The following CENPF variants were observed in gnomAD, a reference collection of about 807,000 sequenced individuals.
CENPF encodes AH antigen.
A neutral mutation model predicts 307.3 loss-of-function variants in CENPF; 214 were observed. That is an observed-to-expected ratio of 0.70 (90% CI 0.62 to 0.78). The LOEUF (loss-of-function observed/expected upper bound fraction) is 0.78. CENPF is among the 30% of genes least tolerant of loss of function. The pLI is 0.00. For missense variants in CENPF, 3,401 were observed against 3,483.9 expected, an observed-to-expected ratio of 0.98 and a Z score of 0.60; for synonymous variants, 1,259 against 1,270.6, an observed-to-expected ratio of 0.99 and a Z score of 0.19.
intron 8 of CENPF, among the ~76,000 whole-genome samples, chr1:214,629,726 A>G (rs915113820): frequency 2.0e-5 from 3 of 151,882 alleles, no homozygotes; most frequent in Admixed American, 6.6e-5. Flanking sequence ...TAATTTTTGT[A>G]TTTTTAGTAG....
intron 10 of CENPF, among the ~76,000 whole-genome samples, chr1:214,635,080 G>A (rs911046701): frequency 2.6e-5 from 4 of 152,140 alleles, no homozygotes; most frequent in Admixed American, 2.6e-4. Context: ...AAATACCATC[G>A]TTTGACAGTC....
In CENPF at chr1:214,641,306, A is replaced by C; in HGVS notation, c.2968A>C (p.Lys990Gln). Residue 990 changes from lysine to glutamine, a missense_variant, in exon 12 of 20, where the codon AAG (lysine) becomes CAG (glutamine). Coordinates refer to ENST00000366955, the MANE Select transcript of CENPF (RefSeq NM_016343.4). ...AATTAATGCATCCTTAAATCAAGAG[A>C]AGATGAACTTAATCCAGAAAAGTGA... ...KEINASLNQE[K>Q]MNLIQKSESF... 1.2e-6 allele frequency: 2 copies of C among 1,609,510 alleles called. No individual in the cohort carries two copies. The highest frequency in any genetic ancestry group is 1.7e-6 in the Non-Finnish European group (2 of 1,178,950).
intron 14 of CENPF, among the ~76,000 whole-genome samples, chr1:214,650,673 G>C (rs1658437948): frequency 6.6e-6 from 1 of 152,148 alleles, no homozygotes; most frequent in South Asian, 2.1e-4. Flanking sequence ...AGGCCGAGGT[G>C]AGCTGATAAC....
Position 214,640,503 on chromosome 1 carries a change from G to A in CENPF, c.2165G>A (p.Cys722Tyr), listed in dbSNP as rs1273003530. The change falls in exon 12 of 20, where the codon TGT becomes TAT. Residue 722 changes from cysteine to tyrosine, a missense_variant. Transcript: ENST00000366955. Reference sequence around the variant, plus strand: ...CATCAGAAGGAAATAGAAAATATGTGTTTGAAGACTTCTCAGCTTACTGGG... The same window carrying A: ...CATCAGAAGGAAATAGAAAATATGTATTTGAAGACTTCTCAGCTTACTGGG... ...QKHQKEIENM[C>Y]LKTSQLTGQV... 1.2e-6 allele frequency: 2 copies of A among 1,613,978 alleles called. No individual in the cohort carries two copies. Among genetic ancestry groups the A allele is most frequent in the Non-Finnish European group, 1.7e-6 (2 of 1,180,016 alleles).
At chr1:214,608,841 G>A in intron 1 of CENPF, 3 of 1,573,770 alleles carry the variant, frequency 1.9e-6, no homozygotes, top group Non-Finnish European at 2.6e-6. Flanking sequence ...GCCCGTTCAT[G>A]GCGGGCGCCG....
rs1386453314 is a variant in CENPF, at chr1:214,647,235, C to G, written c.7665C>G (p.Asn2555Lys). 19 of 1,613,950 alleles carry G rather than the reference C, an allele frequency of 1.2e-5. No individual in the cohort carries two copies. Among genetic ancestry groups the G allele is most frequent in the Non-Finnish European group, 1.6e-5 (19 of 1,179,974 alleles). ...AGCACCAACTTTGGAAGGAGCAAAA[C>G]TTAGAACTGAGAAATCTGACAGTGG... is the stretch of plus-strand genomic sequence containing the variant. The part of the protein sequence containing the change: ...EGEHQLWKEQ[N>K]LELRNLTVEL... The change falls in exon 13 of 20, where the codon AAC becomes AAG. Residue 2555 changes from asparagine (N) to lysine (K), a missense_variant. Asn to Lys is a moderately conservative substitution (Grantham distance 94). Coordinates refer to ENST00000366955, the MANE Select transcript of CENPF (RefSeq NM_016343.4).
intron 14 of CENPF, among the ~76,000 whole-genome samples, chr1:214,650,611 G>A (rs1229132688): frequency 6.6e-6 from 1 of 152,112 alleles, no homozygotes; most frequent in Non-Finnish European, 1.5e-5. Context: ...GTCTCAAGAA[G>A]GAGGGAGTGG....
At chr1:214,630,475 C>A (rs1657775407) in intron 8 of CENPF, 59 bp from the exon 9 acceptor site, 2 of 1,603,062 alleles carry the variant, frequency 1.2e-6, no homozygotes, top group Non-Finnish European at 1.7e-6. Flanking sequence ...TCATGCCTCA[C>A]CCTGGAGTCT....
intron 1 of CENPF, among the ~76,000 whole-genome samples, chr1:214,610,022 T>C (rs1013183670): frequency 9.6e-5 from 13 of 135,472 alleles, no homozygotes; most frequent in Non-Finnish European, 1.5e-4. Context: ...CATGTGCCTT[T>C]TTTTTTTTTT....
rs1312110088 is a variant in CENPF at position 214,621,052 on chromosome 1, A to C, written c.865+106A>C. 5 of 1,049,206 alleles carry C rather than the reference A, an allele frequency of 4.8e-6. No individual in the cohort carries two copies. The East Asian group carries it at 1.2e-4, about 25-fold the overall frequency. 65.0% of individuals were successfully genotyped at this position (1,049,206 alleles called of 1,614,324 possible). A position where few individuals can be genotyped will look rare whatever the true frequency, so the allele number is the denominator to read the frequency against. The stretch of plus-strand genomic sequence containing the variant: ...AAAGTGCTTATGTGTTTTGTTAGGC[A>C]CATCGGTGTTCAACATCCTAGACTG... On this transcript the variant is annotated intron_variant, in intron 6 of 19. Transcript: ENST00000366955.
chr1:214,608,011 G>A (rs1381625301), intron 1 of CENPF, among the ~76,000 whole-genome samples: 4 of 152,152 alleles, frequency 2.6e-5, no homozygotes, highest in African/African-American at 7.2e-5. Flanking sequence ...ACTCCCTCCC[G>A]CCGGGTGGCA....
In CENPF at chr1:214,643,033, G is replaced by A; in HGVS notation, c.4695G>A (p.Lys1565=). ...AGGTGTACCGGCAGTCCCTCGAGAA[G>A]CTAGAAGAGAAAATGGAAAGTCAAG... ...LCEVYRQSLE[K]LEEKMESQGI... is the part of the protein sequence containing the mutation. The change falls in exon 12 of 20, where the codon AAG becomes AAA. Residue 1565 remains lysine, a synonymous_variant. Coordinates refer to ENST00000366955, the MANE Select transcript of CENPF (RefSeq NM_016343.4). The A allele has an allele frequency of 6.2e-7, 1 of 1,610,476 alleles. No homozygotes were observed. Among genetic ancestry groups the A allele is most frequent in the Non-Finnish European group, 8.5e-7 (1 of 1,179,020 alleles).
chr1:214,630,783 C>A, intron 9 of CENPF, 121 bp downstream of exon 9: 1 of 1,253,648 alleles, frequency 8.0e-7, no homozygotes, highest in Non-Finnish European at 1.1e-6. Context: ...CTTCACTTTC[C>A]CTATCAAAGT....
At chr1:214,623,691 C>G (rs1657577008) in intron 7 of CENPF, among the ~76,000 whole-genome samples, 1 of 152,030 alleles carries the variant, frequency 6.6e-6, no homozygotes, top group African/African-American at 2.4e-5. Context: ...ATATATTAGG[C>G]ACTGTTCCAG....
intron 5 of CENPF, among the ~76,000 whole-genome samples, chr1:214,620,409 C>T (rs1278010303): frequency 6.6e-6 from 1 of 152,144 alleles, no homozygotes; most frequent in Non-Finnish European, 1.5e-5. Context: ...TAAGACTTAG[C>T]CTATTTTGAA....
intron 8 of CENPF, 95 bp from the exon 9 acceptor site, chr1:214,630,439 C>G: frequency 1.4e-6 from 2 of 1,470,964 alleles, no homozygotes; most frequent in Non-Finnish European, 1.9e-6. Context: ...CTCCTGTGCT[C>G]TCTGTGCAGT....
In CENPF at chr1:214,614,087, A is replaced by G. The variant is rs111512847; in HGVS notation, c.162+171A>G. The stretch of plus-strand genomic sequence containing the variant: ...AATTCCTCTCCCCTCCCCCACCCCC[A>G]CCCCAGGCCCCAATCCCCTTCTTTT... On this transcript the variant is annotated intron_variant, in intron 2 of 19. Coordinates refer to ENST00000366955, the MANE Select transcript of CENPF (RefSeq NM_016343.4). Among the ~76,000 whole-genome samples the G allele has an allele frequency of 0.17, 8,353 of 49,818 alleles. 317 individuals are homozygous for G. Among genetic ancestry groups the G allele is most frequent in the South Asian group, 0.32 (487 of 1,510 alleles). The allele number at this position is 49,818 out of a possible 152,430, so 32.7% of individuals were successfully genotyped here.
chr1:214,605,999 T>A (rs1417178512), intron 1 of CENPF: 9 of 1,596,992 alleles, frequency 5.6e-6, no homozygotes, highest in African/African-American at 1.3e-5. Context: ...GGCACACTCG[T>A]AGCGCGAGGC....
At chr1:214,617,702 G>A (rs981748120) in intron 3 of CENPF, among the ~76,000 whole-genome samples, 9 of 152,066 alleles carry the variant, frequency 5.9e-5, no homozygotes, top group Non-Finnish European at 5.9e-5. Context: ...TATATGATCT[G>A]TATATCAAGT....
Sources: allele counts gnomAD v4.1 joint callset (sites outside exome capture counted in the v4.1 genomes callset), GRCh38; gene constraint gnomAD v4.1.1; transcripts MANE v1.5; gene names NCBI Gene and HGNC (gene_info 2026-07-23, HGNC 2026-07-21).